Variants in MALRD1 observed in about 807,000 individuals in gnomAD.
The protein encoded by MALRD1 is MAM and LDL-receptor class A domain-containing protein 1.
Under a neutral mutation model 242.1 loss-of-function variants are expected in MALRD1, and 247 were observed. That is an observed-to-expected ratio of 1.02 (90% CI 0.92 to 1.13). The LOEUF is 1.13. Among genes scored for constraint, MALRD1 ranks in the 50% most tolerant of loss-of-function variants. The pLI is 0.00. For synonymous variants in MALRD1, 995 were observed against 866.6 expected (o/e 1.15, Z -2.60); for missense variants, 2,989 against 2,533.1 (o/e 1.18, Z -3.86).
At position 19,675,955 on chromosome 10, in the gene MALRD1, A is replaced by G. The variant is rs1306961835; in HGVS notation, c.6138-16327A>G. 6.6e-5 allele frequency among the ~76,000 whole-genome samples: 10 copies of G among 152,332 alleles called. No individual in the cohort carries two copies. The East Asian group carries it at 1.7e-3, about 26-fold the overall frequency. On this transcript the variant is annotated intron_variant, in intron 36 of 39. Transcript: ENST00000454679. ...CAGGTACAAAGAAAGGCTTCCAGAG[A>G]TAAATGATAATTGGTCTGTATCCTT...
chr10:19,696,719 C>A (rs1589414173), intron 38 of MALRD1, among the ~76,000 whole-genome samples: 1 of 151,200 alleles, frequency 6.6e-6, no homozygotes, highest in African/African-American at 2.4e-5. Flanking sequence ...CCAGCCTGGC[C>A]AACATGAGGA....
At chr10:19,217,768 C>G (rs565849961) in intron 18 of MALRD1, among the ~76,000 whole-genome samples, 34 of 152,076 alleles carry the variant, frequency 2.2e-4, no homozygotes, top group Admixed American at 6.6e-5. Flanking sequence ...TTGTGATCTG[C>G]CCACGTTGGC....
chr10:19,385,010 A>G (rs1227867556), intron 26 of MALRD1, among the ~76,000 whole-genome samples: 1 of 151,894 alleles, frequency 6.6e-6, no homozygotes, highest in Non-Finnish European at 1.5e-5. Context: ...TTCTGCATCT[A>G]TTGAAATGAT....
chr10:19,620,369 C>T (rs922858292), intron 36 of MALRD1, among the ~76,000 whole-genome samples: 2 of 151,920 alleles, frequency 1.3e-5, no homozygotes, highest in African/African-American at 4.8e-5. Context: ...TTCTTTGTGT[C>T]CAAGTATATT....
intron 34 of MALRD1, among the ~76,000 whole-genome samples, chr10:19,598,881 G>A (rs1373300834): frequency 4.6e-5 from 7 of 152,108 alleles, no homozygotes; most frequent in Admixed American, 2.0e-4. Flanking sequence ...GGTCACAAGA[G>A]ACTGAGGATC....
intron 29 of MALRD1, among the ~76,000 whole-genome samples, chr10:19,484,407 G>A (rs765732360): frequency 2.0e-5 from 3 of 152,146 alleles, no homozygotes; most frequent in Non-Finnish European, 4.4e-5. Context: ...GAGTGCATGT[G>A]TCAGTTTTCA....
intron 4 of MALRD1, among the ~76,000 whole-genome samples, chr10:19,098,005 T>C (rs1164066104): frequency 6.6e-6 from 1 of 152,140 alleles, no homozygotes; most frequent in East Asian, 1.9e-4. Flanking sequence ...GGCCATTCTT[T>C]TATCCCTCTA....
intron 36 of MALRD1, among the ~76,000 whole-genome samples, chr10:19,667,034 G>A (rs1841709016): frequency 6.6e-6 from 1 of 152,004 alleles, no homozygotes; most frequent in South Asian, 2.1e-4. Context: ...ACACTAAATG[G>A]GACAGAAATT....
At chr10:19,644,852 T>C (rs1322850827) in intron 36 of MALRD1, among the ~76,000 whole-genome samples, 1 of 152,166 alleles carries the variant, frequency 6.6e-6, no homozygotes, top group African/African-American at 2.4e-5. Flanking sequence ...GTAAGTAATA[T>C]TCCTATAACT....
In MALRD1 at chr10:19,155,141, C is replaced by A. The variant is rs910007232; in HGVS notation, c.1625C>A (p.Thr542Lys). ...GVAKLGSPVL[T>K]KLLTASTPCQ... is the part of the protein sequence containing the mutation. ...GCCAAGCTTGGAAGTCCTGTTCTTA[C>A]AAAATTGCTCACTGCCTCTACCCCA... The change falls in exon 12 of 40, where the codon ACA (threonine) becomes AAA (lysine). Residue 542 changes from threonine to lysine, a missense_variant. Physicochemically the swap from Thr to Lys is moderately conservative, Grantham distance 78. Transcript: ENST00000454679. 3 of 1,231,434 alleles carry A rather than the reference C, an allele frequency of 2.4e-6. No homozygotes were observed. Among genetic ancestry groups the A allele is most frequent in the East Asian group, 3.2e-5 (1 of 31,708 alleles). 76.3% of individuals were successfully genotyped at this position (1,231,434 alleles called of 1,614,324 possible).
chr10:19,505,042 A>G (rs180826126), intron 31 of MALRD1, among the ~76,000 whole-genome samples: 35 of 152,252 alleles, frequency 2.3e-4, no homozygotes, highest in Middle Eastern at 3.4e-3. Flanking sequence ...ATTCCAAGAA[A>G]AAGAAGGAGA....
At chr10:19,336,450 A>G (rs963570142) in intron 24 of MALRD1, among the ~76,000 whole-genome samples, 1 of 152,264 alleles carries the variant, frequency 6.6e-6, no homozygotes, top group Non-Finnish European at 1.5e-5. Context: ...ACAGCTTCAG[A>G]TATGTATCAT....
At chr10:19,159,902 T>A (rs995840956) in intron 12 of MALRD1, among the ~76,000 whole-genome samples, 2 of 152,032 alleles carry the variant, frequency 1.3e-5, no homozygotes, top group South Asian at 2.1e-4. Flanking sequence ...ATATATTTTT[T>A]AAAAATAGAA....
chr10:19,692,343 T>G lies in MALRD1; in HGVS notation c.6199T>G (p.Phe2067Val). 6.5e-7 allele frequency: 1 copy of G among 1,535,496 alleles called. No individual in the cohort carries two copies. Among genetic ancestry groups the G allele is most frequent in the African/African-American group, 1.4e-5 (1 of 73,138 alleles). ...CAAGTTTAATCCTCCTGCTACAGAC[T>G]TCACATACGCTCAGAATAGTAGGTG... ...HIKFNPPATDFTYAQNNTWTL... is the reference protein window; with the variant it reads ...HIKFNPPATDVTYAQNNTWTL... Residue 2067 changes from phenylalanine (F) to valine (V), a missense_variant, in exon 37 of 40, where the codon TTC (phenylalanine) becomes GTC (valine). Phe to Val is a conservative substitution (Grantham distance 50, BLOSUM62 -1). Transcript: ENST00000454679.
At chr10:19,522,223 C>A (rs1833913252) in intron 31 of MALRD1, among the ~76,000 whole-genome samples, 1 of 152,104 alleles carries the variant, frequency 6.6e-6, no homozygotes, top group Non-Finnish European at 1.5e-5. Flanking sequence ...TCTTCTTCTA[C>A]AAACTGAGTT....
chr10:19,258,372 T>G (rs1252691795), intron 19 of MALRD1, among the ~76,000 whole-genome samples: 1 of 152,144 alleles, frequency 6.6e-6, no homozygotes, highest in East Asian at 1.9e-4. Flanking sequence ...ACCCAGGCCT[T>G]GAATAGTGTT....
At chr10:19,125,606 A>G (rs978993284) in intron 7 of MALRD1, among the ~76,000 whole-genome samples, 1 of 148,338 alleles carries the variant, frequency 6.7e-6, no homozygotes, top group Non-Finnish European at 1.5e-5. Flanking sequence ...ACTGATCTGG[A>G]AGCTTTAATT....
chr10:19,222,053 T>A (rs955921645), intron 18 of MALRD1, among the ~76,000 whole-genome samples: 1 of 152,064 alleles, frequency 6.6e-6, no homozygotes, highest in African/African-American at 2.4e-5. Context: ...GTGGCCAGTT[T>A]TGAAACTTGG....
chr10:19,125,314 CTTCCTTCCTTCTTTCTTTCTTTCTTTCT>C (rs1469993299), intron 7 of MALRD1, among the ~76,000 whole-genome samples: 1 of 79,466 alleles, frequency 1.3e-5, no homozygotes, highest in African/African-American at 5.6e-5. Flanking sequence ...TCCTTCCTTC[CTTCCTTCCTTCTTTCTTTCTTTCTTTCT>C]TTCTTTCTTT....
Sources: allele counts gnomAD v4.1 joint callset (sites outside exome capture counted in the v4.1 genomes callset), GRCh38; gene constraint gnomAD v4.1.1; transcripts MANE v1.5; gene names NCBI Gene and HGNC (gene_info 2026-07-23, HGNC 2026-07-21).